Variants in OPHN1 observed in about 807,000 individuals in gnomAD.
The protein encoded by OPHN1 is oligophrenin-1.
Under a neutral mutation model 60.7 loss-of-function variants are expected in OPHN1, and 11 were observed. The ratio of observed to expected loss-of-function variants is 0.18; its 90% CI spans 0.11 to 0.30. OPHN1 has a LOEUF of 0.30. Among genes scored for constraint, OPHN1 ranks in the 10% least tolerant of loss-of-function variants. The pLI is 1.00. For synonymous variants in OPHN1, 226 were observed against 222.6 expected, an observed-to-expected ratio of 1.02 and a Z score of -0.14; for missense variants, 449 against 611.0, an observed-to-expected ratio of 0.73 and a Z score of 2.80.
chrX:68,340,898 G>A (rs1046581821), intron 2 of OPHN1, among the ~76,000 whole-genome samples: 3 of 107,714 alleles, frequency 2.8e-5, no homozygotes, highest in Non-Finnish European at 5.7e-5. Context: ...CCAGCTACTC[G>A]GAGAGGCTGA....
At chrX:68,363,350 C>T (rs1192481973) in intron 2 of OPHN1, among the ~76,000 whole-genome samples, 1 of 111,477 alleles carries the variant, frequency 9.0e-6, no homozygotes, top group Non-Finnish European at 1.9e-5. Context: ...ACTCTTGTCA[C>T]CCAAGCTGGA....
chrX:68,431,869 T>C (rs1440714084), intron 2 of OPHN1, among the ~76,000 whole-genome samples: 1 of 111,638 alleles, frequency 9.0e-6, no homozygotes, highest in Non-Finnish European at 1.9e-5. Flanking sequence ...AGGACATACT[T>C]GCCAATGACT....
At chrX:68,309,343 A>G (rs1328338531) in intron 2 of OPHN1, among the ~76,000 whole-genome samples, 1 of 111,439 alleles carries the variant, frequency 9.0e-6, no homozygotes, top group Non-Finnish European at 1.9e-5. Context: ...TAACCAAAAT[A>G]TCTTCCTCCT....
intron 2 of OPHN1, among the ~76,000 whole-genome samples, chrX:68,310,925 G>A (rs757316879): frequency 5.1e-4 from 57 of 111,800 alleles, no homozygotes; most frequent in East Asian, 2.8e-4. Context: ...GCTAGGAAAA[G>A]AGGCACTGAT....
intron 2 of OPHN1, among the ~76,000 whole-genome samples, chrX:68,330,035 C>A: frequency 9.0e-6 from 1 of 111,387 alleles, no homozygotes; most frequent in Non-Finnish European, 1.9e-5. Flanking sequence ...TTCACATCCC[C>A]GTCTGATTTA....
chrX:68,336,366 AT>A (rs1475203509), intron 2 of OPHN1: 16 of 109,419 alleles, frequency 1.5e-4, no homozygotes, highest in South Asian at 4.0e-4. Flanking sequence ...CTACAAAAAA[AT>A]AAAATAATAA....
chrX:68,238,759 C>T (rs918641204), intron 5 of OPHN1, among the ~76,000 whole-genome samples: 5 of 111,306 alleles, frequency 4.5e-5, no homozygotes, highest in Non-Finnish European at 7.5e-5. Flanking sequence ...CTGCTCAAAC[C>T]TCTAGGGGGC....
chrX:68,220,929 C>A (rs1486267016), intron 6 of OPHN1, among the ~76,000 whole-genome samples: 1 of 77,266 alleles, frequency 1.3e-5, no homozygotes, highest in Non-Finnish European at 2.8e-5. Flanking sequence ...AAGTTCTGGC[C>A]AGGGCAATTA....
chrX:68,187,196 G>T (rs1412576268), intron 15 of OPHN1, among the ~76,000 whole-genome samples: 1 of 111,689 alleles, frequency 9.0e-6, no homozygotes, highest in African/African-American at 3.3e-5. Flanking sequence ...GCAGATTTCT[G>T]GTTCCCAAAG....
Position 68,090,242 on chromosome X carries a change from CTGTG to C in OPHN1, c.1686+6624_1686+6627del, listed in dbSNP as rs10549357. 9.6e-3 allele frequency among the ~76,000 whole-genome samples: 940 copies of C among 98,105 alleles called. 4 individuals are homozygous for C. Among genetic ancestry groups the C allele is most frequent in the Middle Eastern group, 0.04 (8 of 199 alleles). The allele number at this position is 98,105 out of a possible 115,157, so 85.2% of individuals were successfully genotyped here. A position where few individuals can be genotyped will look rare whatever the true frequency, so the allele number is the denominator to read the frequency against. ...CCCACCCCCCACCAAGTGTGTGTGT[CTGTG>C]TGTGTGTGTGTGTGTGTGTGTGTGT... On this transcript the variant is annotated intron_variant, in intron 19 of 24. Coordinates refer to ENST00000355520, the MANE Select transcript of OPHN1 (RefSeq NM_002547.3).
intron 23 of OPHN1, among the ~76,000 whole-genome samples, chrX:68,049,037 C>T (rs762974076): frequency 1.8e-5 from 2 of 111,191 alleles, no homozygotes; most frequent in Non-Finnish European, 3.8e-5. Context: ...ACACTTACTC[C>T]CTGGAGGATC....
intron 2 of OPHN1, among the ~76,000 whole-genome samples, chrX:68,308,508 C>A (rs1294239735): frequency 1.8e-5 from 2 of 109,102 alleles, no homozygotes; most frequent in Non-Finnish European, 3.8e-5. Flanking sequence ...GGGAGGATCA[C>A]TTGAGCTCAG....
intron 19 of OPHN1, among the ~76,000 whole-genome samples, chrX:68,087,530 G>T (rs2077000101): frequency 8.9e-6 from 1 of 111,840 alleles, no homozygotes; most frequent in Admixed American, 9.5e-5. Context: ...GTGAAAGAGA[G>T]AAGAAATTTA....
intron 15 of OPHN1, among the ~76,000 whole-genome samples, chrX:68,183,685 T>C (rs2077448737): frequency 9.1e-6 from 1 of 109,786 alleles, no homozygotes; most frequent in Non-Finnish European, 1.9e-5. Flanking sequence ...AATTAAAAAA[T>C]TACTATTCTT....
intron 2 of OPHN1, among the ~76,000 whole-genome samples, chrX:68,332,163 G>T (rs1451027057): frequency 8.9e-6 from 1 of 111,733 alleles, no homozygotes; most frequent in African/African-American, 3.3e-5. Context: ...TTTTAAATTT[G>T]CATTAATAAT....
chrX:68,232,895 T>C (rs2077734958), intron 6 of OPHN1, among the ~76,000 whole-genome samples: 3 of 108,589 alleles, frequency 2.8e-5, no homozygotes, highest in Admixed American at 9.9e-5. Flanking sequence ...GTAGTCCTTC[T>C]CCTTTGCAAT....
rs371203469 is a variant in OPHN1, at chrX:68,069,557, T to C, written c.1834+3595A>G. ...ACTCATTCATTCTTAGAATATTTAC[T>C]AAATACATGATATGTATACCAGGAG... On this transcript the variant is annotated intron_variant, in intron 20 of 24. Coordinates refer to ENST00000355520, the MANE Select transcript of OPHN1 (RefSeq NM_002547.3). Among the ~76,000 whole-genome samples, 71 of 111,250 alleles carry C rather than the reference T, an allele frequency of 6.4e-4. No individual in the cohort carries two copies. The South Asian group carries it at 0.027, about 42-fold the overall frequency.
At chrX:68,286,771 T>C (rs1442074493) in intron 3 of OPHN1, among the ~76,000 whole-genome samples, 1 of 111,473 alleles carries the variant, frequency 9.0e-6, no homozygotes, top group East Asian at 2.8e-4. Flanking sequence ...ATCCTAGTAC[T>C]CTGGGAGGCT....
intron 15 of OPHN1, among the ~76,000 whole-genome samples, chrX:68,174,777 T>C (rs991633350): frequency 3.6e-5 from 4 of 110,280 alleles, no homozygotes; most frequent in Non-Finnish European, 7.6e-5. Context: ...CAGCCTGGAA[T>C]GGTTAGTTTA....
Sources: allele counts gnomAD v4.1 joint callset (sites outside exome capture counted in the v4.1 genomes callset), GRCh38; gene constraint gnomAD v4.1.1; transcripts MANE v1.5; gene names NCBI Gene and HGNC (gene_info 2026-07-23, HGNC 2026-07-21).